The following TCTN2 variants were observed in gnomAD, a reference collection of about 807,000 sequenced individuals.
TCTN2 encodes tectonic family member 2, also known as tectonic-2.
TCTN2 carries 66 observed loss-of-function variants against 83.4 expected under a neutral mutation model. The observed-to-expected ratio is 0.79, with a 90% CI of 0.65 to 0.97. The LOEUF (loss-of-function observed/expected upper bound fraction) is 0.97, where lower values mean the gene tolerates loss of function less well. Ranked by LOEUF, TCTN2 falls within the 50% of genes least tolerant of loss-of-function variation. The pLI is 0.00. For synonymous variants in TCTN2, 301 were observed against 326.7 expected, an observed-to-expected ratio of 0.92 and a Z score of 0.85; for missense variants, 794 against 858.1, an observed-to-expected ratio of 0.93 and a Z score of 0.93.
At chr12:123,686,161 C>T (rs939372024) in intron 5 of TCTN2, among the ~76,000 whole-genome samples, 2 of 152,100 alleles carry the variant, frequency 1.3e-5, no homozygotes, top group African/African-American at 4.8e-5. Context: ...ATTCTCATGG[C>T]TCAGCCTCCT....
chr12:123,704,490 C>A (rs897254313), intron 14 of TCTN2, 42 bp from the exon 15 acceptor site: 10 of 1,566,358 alleles, frequency 6.4e-6, no homozygotes, highest in Non-Finnish European at 8.7e-6. Context: ...GAAAACTTAT[C>A]AAATTATTCT....
chr12:123,679,947 G>A (rs1455894110), intron 5 of TCTN2, among the ~76,000 whole-genome samples: 3 of 150,884 alleles, frequency 2.0e-5, no homozygotes, highest in South Asian at 2.1e-4. Context: ...CACCGTGTTA[G>A]CCAGGATGGT....
intron 15 of TCTN2, among the ~76,000 whole-genome samples, chr12:123,706,174 A>G (rs770753891): frequency 1.3e-5 from 2 of 152,172 alleles, no homozygotes; most frequent in Admixed American, 6.5e-5. Context: ...GGCTAGGCTC[A>G]GGTGATGGGT....
Position 123,694,877 on chromosome 12 carries a change from G to T in TCTN2, c.1135G>T (p.Val379Leu), listed in dbSNP as rs779079765. 3.9e-5 allele frequency: 63 copies of T among 1,613,090 alleles called. No homozygotes were observed. The highest frequency in any genetic ancestry group is 5.1e-5 in the Non-Finnish European group (60 of 1,179,314). ...AAATAACGGATCAACCCCTAGAATT[G>T]TGAATGTGGAAGAACATTATATTTT... ...PLNNGSTPRIVNVEEHYIFKW... is the reference protein window; with the variant it reads ...PLNNGSTPRILNVEEHYIFKW... Residue 379 changes from valine to leucine, a missense_variant, in exon 10 of 18, where the codon GTG becomes TTG. Val to Leu is a conservative substitution (Grantham distance 32). Coordinates refer to ENST00000303372, the MANE Select transcript of TCTN2 (RefSeq NM_024809.5).
At chr12:123,682,439 T>C (rs770427901) in intron 5 of TCTN2, among the ~76,000 whole-genome samples, 10 of 151,728 alleles carry the variant, frequency 6.6e-5, no homozygotes, top group Admixed American at 1.3e-4. Context: ...GGGTTCACTA[T>C]ATATTCTGGA....
intron 6 of TCTN2, among the ~76,000 whole-genome samples, chr12:123,687,823 TG>T (rs1471860831): frequency 6.6e-6 from 1 of 151,650 alleles, no homozygotes; most frequent in Non-Finnish European, 1.5e-5. Flanking sequence ...ATTAGCCAGG[TG>T]TGGTGGTGGG....
rs558331950 is a variant in TCTN2 at position 123,694,556 on chromosome 12, A to G, written c.1100-286A>G. Among the ~76,000 whole-genome samples, 5 of 152,360 alleles carry G rather than the reference A, an allele frequency of 3.3e-5. No homozygotes were observed. The South Asian group carries it at 1.0e-3, about 32-fold the overall frequency. On this transcript the variant is annotated intron_variant, in intron 9 of 17. Transcript: ENST00000303372. ...ATCTCACAAACATTTTACCAAGTGC[A>G]TGCTCCATGGCAAGCTATGAGCCAG...
chr12:123,705,161 GTTTTTTTTT>G (rs71308014), intron 15 of TCTN2, among the ~76,000 whole-genome samples: 1 of 117,714 alleles, frequency 8.5e-6, no homozygotes, highest in Non-Finnish European at 1.7e-5. Context: ...GCCTCCATCA[GTTTTTTTTT>G]TTTTTTTTTT....
chr12:123,696,619 T>C (rs1325877070), intron 12 of TCTN2, 124 bp downstream of exon 12: 2 of 843,138 alleles, frequency 2.4e-6, no homozygotes, highest in Non-Finnish European at 4.0e-6. Context: ...AGCAGAGAGG[T>C]ACATGCTGCT....
intron 4 of TCTN2, 44 bp from the exon 5 acceptor site, chr12:123,679,145 G>T: frequency 6.6e-7 from 1 of 1,519,792 alleles, no homozygotes; most frequent in Non-Finnish European, 9.1e-7. Flanking sequence ...GTGCTTTGTC[G>T]GAATGTTTCT....
chr12:123,700,001 CTT>C lies in TCTN2; in HGVS notation c.1612+196_1612+197del, dbSNP rs760100863. ...GTCTTTTTCTTCTTATTCACAATGA[CTT>C]TTTTGATTTTCTGTTTTTGTTTTTT... On this transcript the variant is annotated intron_variant, in intron 14 of 17. Transcript: ENST00000303372. 7.7e-6 allele frequency: 5 copies of C among 648,424 alleles called. No individual in the cohort carries two copies. In the Admixed American group the frequency reaches 1.0e-4, roughly 13 times the overall value. The allele number at this position is 648,424 out of a possible 1,614,324, so 40.2% of individuals were successfully genotyped here.
rs142388879 is a variant in TCTN2, at chr12:123,691,800, C to T, written c.1034-858C>T. Among the ~76,000 whole-genome samples, 228 of 150,674 alleles carry T rather than the reference C, an allele frequency of 1.5e-3. 2 individuals carry two copies. In the East Asian group the frequency reaches 0.023, roughly 15 times the overall value. On this transcript the variant is annotated intron_variant, in intron 8 of 17. Coordinates refer to ENST00000303372, the MANE Select transcript of TCTN2 (RefSeq NM_024809.5). ...AGGCTGGAGTGCAGTGACGTGATCTCGGCTCGCTGCAACCTCCACCTCCCT... is the reference window on the plus strand; with the variant it reads ...AGGCTGGAGTGCAGTGACGTGATCTTGGCTCGCTGCAACCTCCACCTCCCT...
rs754524422 is a variant in TCTN2 at position 123,699,788 on chromosome 12, T to C, written c.1590T>C (p.Ser530=). Residue 530 remains serine, a synonymous_variant, in exon 14 of 18, where the codon AGT becomes AGC. Transcript: ENST00000303372. ...MRGNSDYADL[S]DGWLEIIRVD... ...GCAACTCCGATTACGCTGATCTTAG[T>C]GATGGCTGGCTCGAAATAATACGTA... 3 of 1,614,126 alleles carry C rather than the reference T, an allele frequency of 1.9e-6. No individual in the cohort carries two copies. Among genetic ancestry groups the C allele is most frequent in the East Asian group, 2.2e-5 (1 of 44,882 alleles).
intron 4 of TCTN2, among the ~76,000 whole-genome samples, chr12:123,674,220 G>A (rs1212935483): frequency 1.3e-5 from 2 of 151,554 alleles, no homozygotes; most frequent in Admixed American, 1.3e-4. Context: ...ATCTTTATAA[G>A]CTACCTTGAA....
Position 123,692,663 on chromosome 12 carries a change from G to A in TCTN2, c.1039G>A (p.Val347Ile). 5 of 1,612,814 alleles carry A rather than the reference G, an allele frequency of 3.1e-6. No homozygotes were observed. Among genetic ancestry groups the A allele is most frequent in the South Asian group, 1.1e-5 (1 of 91,068 alleles). ...AATTTATGTTATCTCTTTAGGCATA[G>A]TTACACCAAAAGTGATCTATGAGGA... ...KIKNVALGGI[V>I]TPKVIYEEAT... is the part of the protein sequence containing the mutation. Residue 347 changes from valine (V) to isoleucine (I), a missense_variant, in exon 9 of 18, where the codon GTT becomes ATT. By Grantham distance (29) the Val-to-Ile change is conservative. Transcript: ENST00000303372.
chr12:123,705,427 C>T (rs1956217785), intron 15 of TCTN2, among the ~76,000 whole-genome samples: 1 of 152,154 alleles, frequency 6.6e-6, no homozygotes, highest in Non-Finnish European at 1.5e-5. Flanking sequence ...TCCCAAAGTG[C>T]TGGGATTACA....
chr12:123,700,775 T>C (rs1305233614), intron 14 of TCTN2, among the ~76,000 whole-genome samples: 5 of 152,136 alleles, frequency 3.3e-5, no homozygotes, highest in East Asian at 1.9e-4. Flanking sequence ...AGTGAGACCT[T>C]GTCTCTATGA....
chr12:123,704,328 A>G (rs948760248), intron 14 of TCTN2, among the ~76,000 whole-genome samples: 1 of 152,036 alleles, frequency 6.6e-6, no homozygotes, highest in African/African-American at 2.4e-5. Context: ...TTTTAAACAC[A>G]ATTTTTATTA....
At position 123,703,756 on chromosome 12, in the gene TCTN2, C is replaced by T. The variant is rs185643257; in HGVS notation, c.1613-776C>T. 3.1e-3 allele frequency among the ~76,000 whole-genome samples: 476 copies of T among 152,276 alleles called. 4 individuals carry two copies. Among genetic ancestry groups the T allele is most frequent in the Non-Finnish European group, 4.9e-3 (332 of 68,024 alleles). Reference sequence around the variant, plus strand: ...GCTTCTACCTTGACCTCCCAAAGTGCTAGGATTATAGGCATGAGCCACTGT... The same window carrying T: ...GCTTCTACCTTGACCTCCCAAAGTGTTAGGATTATAGGCATGAGCCACTGT... On this transcript the variant is annotated intron_variant, in intron 14 of 17. Coordinates refer to ENST00000303372, the MANE Select transcript of TCTN2 (RefSeq NM_024809.5).
Sources: allele counts gnomAD v4.1 joint callset (sites outside exome capture counted in the v4.1 genomes callset), GRCh38; gene constraint gnomAD v4.1.1; transcripts MANE v1.5; gene names NCBI Gene and HGNC (gene_info 2026-07-23, HGNC 2026-07-21).